The following ERMARD variants were observed in gnomAD, a reference collection of about 807,000 sequenced individuals.
ERMARD encodes ER membrane associated RNA degradation.
Under a neutral mutation model 83.9 loss-of-function variants are expected in ERMARD, and 71 were observed. The ratio of observed to expected loss-of-function variants is 0.85; its 90% CI spans 0.70 to 1.03. ERMARD has a LOEUF of 1.03. Among genes scored for constraint, ERMARD ranks in the 50% least tolerant of loss-of-function variants. The probability of loss-of-function intolerance (pLI) is 0.00; values close to 1 mark genes in which losing one functional copy is unlikely to be tolerated. For missense variants in ERMARD, 838 were observed against 810.9 expected, an observed-to-expected ratio of 1.03 and a Z score of -0.41; for synonymous variants, 284 against 298.6, an observed-to-expected ratio of 0.95 and a Z score of 0.50.
At chr6:169,751,392 C>G, upstream of ERMARD, 1 of 1,614,186 alleles carries the variant, frequency 6.2e-7, no homozygotes, top group Non-Finnish European at 8.5e-7. Context: ...GTCACCGGAG[C>G]CTGCTGAGGG....
At chr6:169,770,343 T>C (rs892485175) in intron 12 of ERMARD, 9 of 152,222 alleles carry the variant, frequency 5.9e-5, no homozygotes, top group African/African-American at 2.2e-4. Context: ...AGGTATGTTA[T>C]GTTTTATAGC....
At position 169,767,757 on chromosome 6, in the gene ERMARD, ACAC is replaced by A. The variant is rs1249891614; in HGVS notation, c.991-345_991-343del. On this transcript the variant is annotated intron_variant, in intron 10 of 17. Coordinates refer to ENST00000366773, the MANE Select transcript of ERMARD (RefSeq NM_018341.3). The stretch of plus-strand genomic sequence containing the variant: ...ATACACACATGCAGGCACATACACT[ACAC>A]ACACACACACACACACACACAGGCA... 5 of 70,960 alleles carry A rather than the reference ACAC, an allele frequency of 7.0e-5. No individual in the cohort carries two copies. The African/African-American group carries it at 1.1e-3, about 15-fold the overall frequency. The allele number at this position is 70,960 out of a possible 1,614,324, so 4.4% of individuals were successfully genotyped here. A position where few individuals can be genotyped will look rare whatever the true frequency, so the allele number is the denominator to read the frequency against.
At position 169,755,264 on chromosome 6, in the gene ERMARD, TG is replaced by T. The variant is rs760498735; in HGVS notation, c.176-18del. On this transcript the variant is annotated intron_variant, in intron 2 of 17. Coordinates refer to ENST00000366773, the MANE Select transcript of ERMARD (RefSeq NM_018341.3). ...GATATGGAGCTATGGTGCTGAAATT[TG>T]TTTTCTTATCCTTTAAGAGCAGGGT... The T allele has an allele frequency of 6.2e-7, 1 of 1,610,836 alleles. No individual in the cohort carries two copies. Among genetic ancestry groups the T allele is most frequent in the Non-Finnish European group, 8.5e-7 (1 of 1,179,076 alleles).
chr6:169,780,034 G>A (rs1311073804), intron 17 of ERMARD, among the ~76,000 whole-genome samples: 2 of 152,188 alleles, frequency 1.3e-5, no homozygotes, highest in Non-Finnish European at 2.9e-5. Flanking sequence ...GCAGGTGCCA[G>A]GCACCTCAGT....
intron 11 of ERMARD, among the ~76,000 whole-genome samples, 181 bp downstream of exon 11, chr6:169,768,352 A>G (rs1290020732): frequency 2.6e-5 from 4 of 152,218 alleles, no homozygotes; most frequent in African/African-American, 9.6e-5. Flanking sequence ...CACTCCTTAA[A>G]TGTGTTTTTT....
rs192610950 is a variant in ERMARD, at chr6:169,778,625, C to T, written c.1740-557C>T. The stretch of plus-strand genomic sequence containing the variant: ...GATTCCCCTCCAGAAAGGTGCTGCT[C>T]AATTTACACTCTTACCAGCAGTTTA... On this transcript the variant is annotated intron_variant, in intron 16 of 17. Coordinates refer to ENST00000366773, the MANE Select transcript of ERMARD (RefSeq NM_018341.3). Among the ~76,000 whole-genome samples the T allele has an allele frequency of 5.7e-4, 87 of 152,292 alleles. 1 individual carries two copies. Among genetic ancestry groups the T allele is most frequent in the African/African-American group, 1.8e-3 (75 of 41,562 alleles).
chr6:169,763,525 TC>T (rs1791811824), intron 9 of ERMARD, among the ~76,000 whole-genome samples: 3 of 152,250 alleles, frequency 2.0e-5, no homozygotes, highest in African/African-American at 7.2e-5. Context: ...ATGGAAGCGT[TC>T]CTGGATGGCC....
chr6:169,761,853 T>C (rs891147247), intron 8 of ERMARD, among the ~76,000 whole-genome samples: 1 of 152,110 alleles, frequency 6.6e-6, no homozygotes, highest in Non-Finnish European at 1.5e-5. Flanking sequence ...TGGCTGATTT[T>C]TGTATTTTTA....
At chr6:169,760,863 A>G (rs1791464136) in intron 8 of ERMARD, 107 bp downstream of exon 8, 3 of 722,548 alleles carry the variant, frequency 4.2e-6, no homozygotes, top group Non-Finnish European at 6.9e-6. Flanking sequence ...AGTGAAGAGA[A>G]CCTGGACTGA....
At chr6:169,769,146 C>T (rs777771418) in intron 11 of ERMARD, among the ~76,000 whole-genome samples, 10 of 152,148 alleles carry the variant, frequency 6.6e-5, no homozygotes, top group Admixed American at 1.3e-4. Flanking sequence ...GGATTTGTGT[C>T]GTAAGAAGCA....
Position 169,775,319 on chromosome 6 carries a change from C to A in ERMARD, c.1367C>A (p.Pro456His). ...SIRVWALLPF[P>H]EELTRQAVRL... ...AGGGTTTGGGCTCTGCTGCCTTTCCCCGAAGAACTCACTCGGCAAGCCGTC... is the reference window on the plus strand; with the variant it reads ...AGGGTTTGGGCTCTGCTGCCTTTCCACGAAGAACTCACTCGGCAAGCCGTC... The change falls in exon 14 of 18, where the codon CCC becomes CAC. Residue 456 changes from proline (P) to histidine (H), a missense_variant. Physicochemically the swap from Pro to His is moderately conservative, Grantham distance 77 (BLOSUM62 -2). Transcript: ENST00000366773. 6.2e-7 allele frequency: 1 copy of A among 1,614,140 alleles called. No individual in the cohort carries two copies. The highest frequency in any genetic ancestry group is 1.1e-5 in the South Asian group (1 of 91,082).
intron 17 of ERMARD, among the ~76,000 whole-genome samples, chr6:169,780,668 G>A (rs1030740539): frequency 2.0e-5 from 3 of 152,206 alleles, no homozygotes; most frequent in Admixed American, 1.3e-4. Flanking sequence ...GGCTCCTGAC[G>A]GGGCTAAAAG....
Position 169,758,979 on chromosome 6 carries a change from A to G in ERMARD, c.519A>G (p.Leu173=), listed in dbSNP as rs375102984. 10 of 1,613,754 alleles carry G rather than the reference A, an allele frequency of 6.2e-6. No homozygotes were observed. Among genetic ancestry groups the G allele is most frequent in the Non-Finnish European group, 7.6e-6 (9 of 1,179,886 alleles). ...GATTTGCGGATTAGATGAATGTGCT[A>G]AAAGTCTTCGTTGGCTCTCCGTGTG... ...QVFSQSVMNV[L]KVFVGSPCGL... is the part of the protein sequence containing the mutation. Residue 173 remains leucine, a synonymous_variant, in exon 6 of 18, where the codon CTA becomes CTG. Transcript: ENST00000366773.
chr6:169,764,453 G>A (rs1377306092), intron 9 of ERMARD, among the ~76,000 whole-genome samples: 1 of 149,702 alleles, frequency 6.7e-6, no homozygotes, highest in African/African-American at 2.5e-5. Flanking sequence ...TTTTTTCCTT[G>A]TAGAGACAGA....
At position 169,751,641 on chromosome 6, in the gene ERMARD, G is replaced by C; in HGVS notation, c.-17G>C. 6.4e-7 allele frequency: 1 copy of C among 1,567,666 alleles called. No individual in the cohort carries two copies. The highest frequency in any genetic ancestry group is 8.6e-7 in the Non-Finnish European group (1 of 1,156,178). Reference sequence around the variant, plus strand: ...GCCTGCGTCATTCACGCGCGCCGCAGCGGGGCACCGGAAGTTATGGAGGTA... The same window carrying C: ...GCCTGCGTCATTCACGCGCGCCGCACCGGGGCACCGGAAGTTATGGAGGTA... On this transcript the variant is annotated 5_prime_UTR_variant, in exon 1 of 18. Transcript: ENST00000366773.
At chr6:169,772,283 A>G (rs1793020206) in intron 12 of ERMARD, among the ~76,000 whole-genome samples, 1 of 152,200 alleles carries the variant, frequency 6.6e-6, no homozygotes, top group Non-Finnish European at 1.5e-5. Context: ...TGGCACACAT[A>G]TGCTGCGTGT....
chr6:169,756,660 G>A, intron 4 of ERMARD, 59 bp from the exon 5 acceptor site: 1 of 1,438,736 alleles, frequency 7.0e-7, no homozygotes, highest in Admixed American at 1.7e-5. Context: ...CATGGATAAT[G>A]TTTTTAATGT....
chr6:169,769,998 A>G (rs1792702037), intron 12 of ERMARD, among the ~76,000 whole-genome samples: 1 of 152,248 alleles, frequency 6.6e-6, no homozygotes, highest in Non-Finnish European at 1.5e-5. Context: ...CAAATTATAA[A>G]ACAGGATTAA....
chr6:169,779,637 C>T (rs1376552988), intron 17 of ERMARD, among the ~76,000 whole-genome samples: 2 of 152,102 alleles, frequency 1.3e-5, no homozygotes, highest in African/African-American at 4.8e-5. Context: ...GGGACCACAG[C>T]CATGCCACCA....
Sources: allele counts gnomAD v4.1 joint callset (sites outside exome capture counted in the v4.1 genomes callset), GRCh38; gene constraint gnomAD v4.1.1; transcripts MANE v1.5; gene names NCBI Gene and HGNC (gene_info 2026-07-23, HGNC 2026-07-21).